NAE1: variants seen among roughly 807,000 people sequenced by gnomAD.
NAE1 encodes the protein NEDD8-activating enzyme E1 regulatory subunit.
A neutral mutation model predicts 88.0 loss-of-function variants in NAE1; 59 were observed. That is an observed-to-expected ratio of 0.67 (90% CI 0.54 to 0.83). NAE1 has a LOEUF of 0.83. Among genes scored for constraint, NAE1 ranks in the 40% least tolerant of loss-of-function variants. The probability of loss-of-function intolerance (pLI) is 0.00; values close to 1 mark genes in which losing one functional copy is unlikely to be tolerated. For missense variants in NAE1, 554 were observed against 632.8 expected, an observed-to-expected ratio of 0.88 and a Z score of 1.34; for synonymous variants, 186 against 208.9, an observed-to-expected ratio of 0.89 and a Z score of 0.95.
chr16:66,828,104 G>A (rs533070191), intron 1 of NAE1: 8 of 1,552,924 alleles, frequency 5.2e-6, no homozygotes, highest in Middle Eastern at 1.7e-4. Context: ...GACCGTAAAC[G>A]CCTGTTTTCT....
chr16:66,825,854 A>C (rs1466401009), intron 3 of NAE1, among the ~76,000 whole-genome samples: 1 of 152,186 alleles, frequency 6.6e-6, no homozygotes, highest in East Asian at 1.9e-4. Context: ...TAACCCACCA[A>C]GTAAGCAAAG....
chr16:66,804,242 CAA>C (rs58574660), intron 19 of NAE1, among the ~76,000 whole-genome samples: 2 of 140,984 alleles, frequency 1.4e-5, no homozygotes, highest in Admixed American at 1.4e-4. Flanking sequence ...AAGTAAAAAA[CAA>C]AAAAAAAAAA....
chr16:66,817,605 T>G (rs369457942), intron 8 of NAE1, 118 bp from the exon 9 acceptor site: 61 of 667,254 alleles, frequency 9.1e-5, no homozygotes, highest in Middle Eastern at 8.6e-4. Flanking sequence ...GAGTAGTGAA[T>G]AGACGAAAAT....
chr16:66,809,799 G>A (rs899928059), intron 15 of NAE1, among the ~76,000 whole-genome samples: 1 of 152,144 alleles, frequency 6.6e-6, no homozygotes, highest in Non-Finnish European at 1.5e-5. Context: ...TCCACAGGAC[G>A]TAGGAGCAGT....
At chr16:66,821,992 C>T (rs564833284) in intron 6 of NAE1, among the ~76,000 whole-genome samples, 4 of 152,208 alleles carry the variant, frequency 2.6e-5, no homozygotes, top group Admixed American at 2.6e-4. Flanking sequence ...ATCCCAGCCT[C>T]CTGAGTAGCT....
chr16:66,830,822 C>G (rs1214066585), intron 1 of NAE1, 25 bp downstream of exon 1: 20 of 1,508,492 alleles, frequency 1.3e-5, no homozygotes, highest in Non-Finnish European at 1.6e-5. Context: ...CCGGCCCGCC[C>G]TCGGCTCGGT....
chr16:66,803,305 A>G (rs1959429012), intron 19 of NAE1, among the ~76,000 whole-genome samples, 187 bp from the exon 20 acceptor site: 2 of 152,226 alleles, frequency 1.3e-5, no homozygotes, highest in African/African-American at 4.8e-5. Context: ...ATTAAAGGAA[A>G]TCTAAACAGT....
intron 15 of NAE1, among the ~76,000 whole-genome samples, chr16:66,809,659 A>AAACTG (rs1288607783): frequency 6.6e-6 from 1 of 152,238 alleles, no homozygotes; most frequent in Non-Finnish European, 1.5e-5. Flanking sequence ...CTAATAGAAC[A>AAACTG]AACAAGGTGC....
chr16:66,812,392 G>T (rs7184782), intron 13 of NAE1, among the ~76,000 whole-genome samples: 78,064 of 151,820 alleles, frequency 0.51, 20,876 homozygotes, highest in African/African-American at 0.64. Flanking sequence ...CAGAGTTAAG[G>T]GATCAAATAT....
intron 11 of NAE1, among the ~76,000 whole-genome samples, 186 bp from the exon 12 acceptor site, chr16:66,814,032 G>A (rs181419592): frequency 1.1e-3 from 165 of 152,230 alleles, no homozygotes; most frequent in African/African-American, 3.7e-3. Context: ...AAGAATGGAA[G>A]AAAGACCTCT....
At position 66,813,553 on chromosome 16, in the gene NAE1, C is replaced by G; in HGVS notation, c.1034+11G>C. 6.3e-7 allele frequency: 1 copy of G among 1,598,688 alleles called. No individual in the cohort carries two copies. Among genetic ancestry groups the G allele is most frequent in the East Asian group, 2.2e-5 (1 of 44,678 alleles). The stretch of plus-strand genomic sequence containing the variant: ...CTTTTTCTATTACATAGTTTGAAAA[C>G]AGTGACATACACGTTTTGCAGTTTT... On this transcript the variant is annotated intron_variant, in intron 13 of 19. Transcript: ENST00000290810.
intron 6 of NAE1, among the ~76,000 whole-genome samples, chr16:66,822,265 T>C (rs958493746): frequency 6.6e-6 from 1 of 152,188 alleles, no homozygotes; most frequent in East Asian, 1.9e-4. Flanking sequence ...GCTCTAAATA[T>C]ATTCCAAAAG....
At position 66,824,879 on chromosome 16, in the gene NAE1, G is replaced by A; in HGVS notation, c.225C>T (p.Phe75=). The change falls in exon 4 of 20, where the codon TTC becomes TTT. Residue 75 remains phenylalanine (F), a synonymous_variant. Coordinates refer to ENST00000290810, the MANE Select transcript of NAE1 (RefSeq NM_003905.4). ...VSGEDAGNNF[F]LQRSSIGKNR... Reference sequence around the variant, plus strand: ...CCTTGCCGATACTGCTTCTTTGAAGGAAGAAACTAAAGTGAACAGAATAAA... The same window carrying A: ...CCTTGCCGATACTGCTTCTTTGAAGAAAGAAACTAAAGTGAACAGAATAAA... 2 of 1,609,540 alleles carry A rather than the reference G, an allele frequency of 1.2e-6. No individual in the cohort carries two copies. The highest frequency in any genetic ancestry group is 3.4e-4 in the Middle Eastern group (2 of 5,936).
At chr16:66,810,571 A>AAT in intron 14 of NAE1, 126 bp downstream of exon 14, 1 of 1,078,624 alleles carries the variant, frequency 9.3e-7, no homozygotes. Context: ...CTATCCCATT[A>AAT]GGCAGGGAAA....
intron 10 of NAE1, 82 bp downstream of exon 10, chr16:66,816,883 G>T (rs1597044608): frequency 2.0e-6 from 3 of 1,536,490 alleles, no homozygotes; most frequent in Non-Finnish European, 2.6e-6. Context: ...TGACAAAGGT[G>T]TTAACAGAAA....
chr16:66,817,361 G>T, intron 9 of NAE1, 64 bp downstream of exon 9: 1 of 1,325,804 alleles, frequency 7.5e-7, no homozygotes, highest in Non-Finnish European at 1.1e-6. Flanking sequence ...CCCCATCAAG[G>T]AAATCCTTTG....
chr16:66,813,368 T>A, intron 13 of NAE1, 196 bp downstream of exon 13: 1 of 596,858 alleles, frequency 1.7e-6, no homozygotes, highest in South Asian at 2.4e-5. Flanking sequence ...CTCAAACTCC[T>A]GGACTCAAGC....
chr16:66,824,951 A>T (rs1960404385), intron 3 of NAE1, 66 bp from the exon 4 acceptor site: 1 of 1,372,294 alleles, frequency 7.3e-7, no homozygotes, highest in Non-Finnish European at 1.0e-6. Context: ...AGTTGTTTGT[A>T]ATAGCATGCA....
chr16:66,809,049 C>T lies in NAE1; in HGVS notation c.1177G>A (p.Val393Ile), dbSNP rs751561000. The T allele has an allele frequency of 4.3e-6, 7 of 1,612,236 alleles. No individual in the cohort carries two copies. The Admixed American group carries it at 8.4e-5, about 19-fold the overall frequency. The change falls in exon 16 of 20, where the codon GTA becomes ATA. Residue 393 changes from valine to isoleucine, a missense_variant. Coordinates refer to ENST00000290810, the MANE Select transcript of NAE1 (RefSeq NM_003905.4). ...LCSNSAFLRV[V>I]RCRSLAEEYG... ...TCTTCAGCTAAGGATCGACATCTTA[C>T]CACTCGAAGAAATGCAGAATTGCTG...
Sources: gnomAD v4.1 joint callset for allele counts (sites outside exome capture counted in the v4.1 genomes callset) on GRCh38, gnomAD v4.1.1 for gene constraint, MANE v1.5 for transcripts, NCBI Gene and HGNC (gene_info 2026-07-23, HGNC 2026-07-21) for gene names.